The following UNC50 variants were observed in gnomAD, a reference collection of about 807,000 sequenced individuals.
The protein encoded by UNC50 is unc-50 inner nuclear membrane RNA binding protein.
UNC50 carries 24 observed loss-of-function variants against 31.5 expected under a neutral mutation model. That is an observed-to-expected ratio of 0.76 (90% CI 0.55 to 1.07). UNC50 has a LOEUF of 1.07. Ranked by LOEUF, UNC50 falls within the 50% of genes least tolerant of loss-of-function variation. UNC50 has a pLI of 0.00. For missense variants in UNC50, 245 were observed against 304.2 expected (o/e 0.81, Z 1.45); for synonymous variants, 118 against 114.7 (o/e 1.03, Z -0.18).
Position 98,609,802 on chromosome 2 carries a change from G to A in UNC50, c.43G>A (p.Gly15Arg), listed in dbSNP as rs780139273. The A allele has an allele frequency of 1.1e-5, 18 of 1,614,094 alleles. No individual in the cohort carries two copies. In the African/African-American group the frequency reaches 1.7e-4, roughly 16 times the overall value. ...AGTGAATTCCTTAGTGCAGGGGAAC[G>A]GAGTCTTGAATTCCAGGGATGCGGC... ...TSVNSLVQGN[G>R]VLNSRDAARH... Residue 15 changes from glycine (G) to arginine (R), a missense_variant, in exon 2 of 6, where the codon GGA becomes AGA. Transcript: ENST00000357765.
intron 3 of UNC50, among the ~76,000 whole-genome samples, chr2:98,614,471 G>A (rs1303145520): frequency 2.6e-5 from 4 of 152,146 alleles, no homozygotes; most frequent in Admixed American, 6.5e-5. Flanking sequence ...TGAAAAGAAG[G>A]TCAGTAGACA....
chr2:98,616,838 G>A (rs1409625926), intron 5 of UNC50, among the ~76,000 whole-genome samples: 2 of 152,206 alleles, frequency 1.3e-5, no homozygotes, highest in African/African-American at 2.4e-5. Flanking sequence ...ATCTCCAGAT[G>A]ACTTGCAGGA....
intron 2 of UNC50, 30 bp downstream of exon 2, chr2:98,610,069 A>G: frequency 6.3e-7 from 1 of 1,575,748 alleles, no homozygotes; most frequent in Non-Finnish European, 8.7e-7. Context: ...ATAGAATTGA[A>G]CGCTGAGTGT....
intron 3 of UNC50, among the ~76,000 whole-genome samples, chr2:98,614,957 C>A (rs1700896837): frequency 6.6e-6 from 1 of 152,160 alleles, no homozygotes; most frequent in South Asian, 2.1e-4. Flanking sequence ...TTAAAAAATA[C>A]ATTGAATTTC....
Position 98,609,979 on chromosome 2 carries a change from A to G in UNC50, c.220A>G (p.Lys74Glu). 6.2e-7 allele frequency: 1 copy of G among 1,614,220 alleles called. No individual in the cohort carries two copies. The highest frequency in any genetic ancestry group is 8.5e-7 in the Non-Finnish European group (1 of 1,180,034). The change falls in exon 2 of 6, where the codon AAG (lysine) becomes GAG (glutamate). Residue 74 changes from lysine (K) to glutamate (E), a missense_variant. Lys to Glu is a moderately conservative substitution (Grantham distance 56, BLOSUM62 1). Coordinates refer to ENST00000357765, the MANE Select transcript of UNC50 (RefSeq NM_014044.7). Reference sequence around the variant, plus strand: ...AAATTTTCATTATCGAAAACAGACGAAGGACCAGTGGGCCAGAGATGACCC... The same window carrying G: ...AAATTTTCATTATCGAAAACAGACGGAGGACCAGTGGGCCAGAGATGACCC... ...YRNFHYRKQT[K>E]DQWARDDPAF...
In UNC50 at chr2:98,608,612, C is replaced by G; in HGVS notation, c.-119C>G. 1 of 599,980 alleles carries G rather than the reference C, an allele frequency of 1.7e-6. No homozygotes were observed. The highest frequency in any genetic ancestry group is 3.0e-6 in the Non-Finnish European group (1 of 338,372). 37.2% of individuals were successfully genotyped at this position (599,980 alleles called of 1,614,324 possible). A position where few individuals can be genotyped will look rare whatever the true frequency, so the allele number is the denominator to read the frequency against. ...TCGGTTCCCGTGACGCGGCGCGCCC[C>G]AAGGGCCGGCTCCGTTGAGGGAAGG... On this transcript the variant is annotated 5_prime_UTR_variant, in exon 1 of 6. Transcript: ENST00000357765.
intron 1 of UNC50, chr2:98,609,339 C>T (rs1451669601): frequency 4.2e-6 from 1 of 236,914 alleles, no homozygotes; most frequent in Non-Finnish European, 8.4e-6. Flanking sequence ...TATTTGACCT[C>T]TTCAGTAACA....
chr2:98,609,632 C>G, intron 1 of UNC50, 124 bp from the exon 2 acceptor site: 2 of 1,473,804 alleles, frequency 1.4e-6, no homozygotes, highest in South Asian at 2.6e-5. Flanking sequence ...TGACTCCTGG[C>G]CTTTCTCTAG....
intron 3 of UNC50, among the ~76,000 whole-genome samples, chr2:98,615,613 C>G (rs1196455977): frequency 6.6e-6 from 1 of 152,210 alleles, no homozygotes; most frequent in Admixed American, 6.5e-5. Context: ...CTCATCTCTT[C>G]CTTGCAGTAG....
chr2:98,610,070 C>G (rs200693518), intron 2 of UNC50, 31 bp downstream of exon 2: 2 of 1,573,132 alleles, frequency 1.3e-6, no homozygotes, highest in African/African-American at 2.7e-5. Flanking sequence ...TAGAATTGAA[C>G]GCTGAGTGTT....
chr2:98,618,142 TCA>T, intron 5 of UNC50, 24 bp from the exon 6 acceptor site: 1 of 1,430,286 alleles, frequency 7.0e-7, no homozygotes, highest in Non-Finnish European at 9.3e-7. Flanking sequence ...TTTTTTTAAA[TCA>T]GTTTGGATTC....
rs772210471 is a variant in UNC50 at position 98,618,438 on chromosome 2, ATATT to A, written c.*135_*138del. 26 of 816,416 alleles carry A rather than the reference ATATT, an allele frequency of 3.2e-5. No individual in the cohort carries two copies. In the Middle Eastern group the frequency reaches 9.1e-4, roughly 29 times the overall value. The allele number at this position is 816,416 out of a possible 1,614,324, so 50.6% of individuals were successfully genotyped here. ...AAAGTTTGCAAATTTGAAGAAATATATATTAACACTGTGGTCAGGTACATTCCTT... is the reference window on the plus strand; with the variant it reads ...AAAGTTTGCAAATTTGAAGAAATATAAACACTGTGGTCAGGTACATTCCTT... On this transcript the variant is annotated 3_prime_UTR_variant, in exon 6 of 6. Transcript: ENST00000357765.
At chr2:98,614,421 C>T (rs1700887646) in intron 3 of UNC50, among the ~76,000 whole-genome samples, 1 of 152,154 alleles carries the variant, frequency 6.6e-6, no homozygotes, top group African/African-American at 2.4e-5. Flanking sequence ...GATGAAGCAG[C>T]CCTTGCTGGC....
rs1180123717 is a variant in UNC50, at chr2:98,609,833, A to C, written c.74A>C (p.His25Pro). 4 of 1,614,138 alleles carry C rather than the reference A, an allele frequency of 2.5e-6. No homozygotes were observed. Among genetic ancestry groups the C allele is most frequent in the African/African-American group, 2.7e-5 (2 of 74,952 alleles). ...TTGAATTCCAGGGATGCGGCAAGACACACAGCCGGAGCGAAACGCTACAAA... is the reference window on the plus strand; with the variant it reads ...TTGAATTCCAGGGATGCGGCAAGACCCACAGCCGGAGCGAAACGCTACAAA... ...GVLNSRDAAR[H>P]TAGAKRYKYL... Residue 25 changes from histidine (H) to proline (P), a missense_variant, in exon 2 of 6, where the codon CAC becomes CCC. By Grantham distance (77) the His-to-Pro change is moderately conservative (BLOSUM62 -2). Transcript: ENST00000357765.
At chr2:98,617,864 A>G (rs796411207) in intron 5 of UNC50, among the ~76,000 whole-genome samples, 4 of 152,270 alleles carry the variant, frequency 2.6e-5, no homozygotes, top group African/African-American at 7.2e-5. Context: ...GTTTTCATGA[A>G]TATTTGTGAC....
chr2:98,610,035 C>T lies in UNC50; in HGVS notation c.276C>T (p.Leu92=), dbSNP rs1700799088. ...PAFLVLLSIW[L]CVSTIGFGFV... ...TCTTGGTCCTGTTAAGTATCTGGCTCTGTGGTAAGTGTGTTTATCTGAGAT... is the reference window on the plus strand; with the variant it reads ...TCTTGGTCCTGTTAAGTATCTGGCTTTGTGGTAAGTGTGTTTATCTGAGAT... Residue 92 remains leucine (L), a synonymous_variant, in exon 2 of 6, where the codon CTC becomes CTT. Coordinates refer to ENST00000357765, the MANE Select transcript of UNC50 (RefSeq NM_014044.7). The T allele has an allele frequency of 6.2e-7, 1 of 1,611,836 alleles. No homozygotes were observed. The highest frequency in any genetic ancestry group is 8.5e-7 in the Non-Finnish European group (1 of 1,178,266).
At position 98,608,602 on chromosome 2, in the gene UNC50, C is replaced by T. The variant is rs1017330067; in HGVS notation, c.-129C>T. The T allele has an allele frequency of 6.6e-6, 4 of 604,872 alleles. No homozygotes were observed. Among genetic ancestry groups the T allele is most frequent in the Non-Finnish European group, 1.2e-5 (4 of 340,764 alleles). The allele number at this position is 604,872 out of a possible 1,614,324, so 37.5% of individuals were successfully genotyped here. On this transcript the variant is annotated 5_prime_UTR_variant, in exon 1 of 6. Transcript: ENST00000357765. ...GCGGCGGAAGTCGGTTCCCGTGACG[C>T]GGCGCGCCCCAAGGGCCGGCTCCGT... is the stretch of plus-strand genomic sequence containing the variant.
intron 2 of UNC50, 122 bp downstream of exon 2, chr2:98,610,161 C>G: frequency 1.8e-6 from 2 of 1,109,364 alleles, no homozygotes. Flanking sequence ...TTTACTGAAG[C>G]CTCAAAAAAT....
At chr2:98,611,025 A>G (rs1700819689) in intron 3 of UNC50, 130 bp downstream of exon 3, 1 of 1,118,328 alleles carries the variant, frequency 8.9e-7, no homozygotes, top group Non-Finnish European at 1.2e-6. Flanking sequence ...TTGACTGCCA[A>G]GATTATTACA....
Sources: allele counts gnomAD v4.1 joint callset (sites outside exome capture counted in the v4.1 genomes callset), GRCh38; gene constraint gnomAD v4.1.1; transcripts MANE v1.5; gene names NCBI Gene and HGNC (gene_info 2026-07-23, HGNC 2026-07-21).